Variants in THSD7A observed in about 807,000 individuals in gnomAD.
THSD7A encodes thrombospondin type 1 domain containing 7A.
THSD7A carries 96 observed loss-of-function variants against 231.3 expected under a neutral mutation model. That is an observed-to-expected ratio of 0.41 (90% CI 0.35 to 0.49). The LOEUF is 0.49. THSD7A is among the 20% of genes least tolerant of loss of function. The pLI is 0.05. For missense variants in THSD7A, 2,290 were observed against 2,070.2 expected (o/e 1.11, Z -2.06); for synonymous variants, 940 against 743.3 (o/e 1.26, Z -4.30).
At chr7:11,452,994 C>T (rs527832004) in intron 11 of THSD7A, among the ~76,000 whole-genome samples, 13 of 151,972 alleles carry the variant, frequency 8.6e-5, no homozygotes, top group Admixed American at 3.9e-4. Context: ...TCTCTTTTTC[C>T]TACCTAGTTC....
chr7:11,535,429 CAT>C (rs1788874819), intron 6 of THSD7A, among the ~76,000 whole-genome samples: 1 of 151,930 alleles, frequency 6.6e-6, no homozygotes, highest in African/African-American at 2.4e-5. Flanking sequence ...TGAAGGAAAA[CAT>C]ATTGCTTGAA....
intron 9 of THSD7A, among the ~76,000 whole-genome samples, chr7:11,467,412 C>T (rs1344703313): frequency 1.3e-5 from 2 of 152,078 alleles, no homozygotes; most frequent in Non-Finnish European, 2.9e-5. Context: ...TTAAAAGCTT[C>T]CTTGATGTCT....
At chr7:11,608,664 T>A (rs1205187528) in intron 2 of THSD7A, among the ~76,000 whole-genome samples, 4 of 152,182 alleles carry the variant, frequency 2.6e-5, no homozygotes, top group African/African-American at 9.6e-5. Context: ...TATCATAAAA[T>A]AATGCCATTC....
chr7:11,532,391 A>C (rs1788744545), intron 6 of THSD7A, among the ~76,000 whole-genome samples: 1 of 152,214 alleles, frequency 6.6e-6, no homozygotes, highest in Non-Finnish European at 1.5e-5. Context: ...TGCTGCTTTA[A>C]GAAATCTAAA....
chr7:11,665,817 A>G (rs1783107488), intron 1 of THSD7A, among the ~76,000 whole-genome samples: 2 of 152,084 alleles, frequency 1.3e-5, no homozygotes, highest in Admixed American at 1.3e-4. Flanking sequence ...ACTAATACAA[A>G]ATATGGAACA....
intron 4 of THSD7A, among the ~76,000 whole-genome samples, chr7:11,581,275 C>T (rs757721211): frequency 2.0e-5 from 3 of 151,922 alleles, no homozygotes; most frequent in East Asian, 1.9e-4. Flanking sequence ...ACTCATTATT[C>T]TTCATATTGT....
chr7:11,380,648 C>A (rs80336202), intron 24 of THSD7A, among the ~76,000 whole-genome samples: 8,808 of 152,210 alleles, frequency 0.058, 779 homozygotes, highest in African/African-American at 0.19. Context: ...CACACACACA[C>A]AAAGCAGTAT....
intron 1 of THSD7A, among the ~76,000 whole-genome samples, chr7:11,815,394 T>C (rs1784657991): frequency 6.6e-6 from 1 of 152,064 alleles, no homozygotes; most frequent in Non-Finnish European, 1.5e-5. Flanking sequence ...TCATGCCTCA[T>C]CTACTCCCCT....
intron 4 of THSD7A, among the ~76,000 whole-genome samples, chr7:11,583,951 A>T (rs1791281206): frequency 6.6e-6 from 1 of 152,130 alleles, no homozygotes; most frequent in African/African-American, 2.4e-5. Flanking sequence ...ACTGAGGCTG[A>T]CCTATTTAAT....
intron 16 of THSD7A, among the ~76,000 whole-genome samples, chr7:11,422,853 A>C (rs1302432623): frequency 6.6e-6 from 1 of 152,090 alleles, no homozygotes; most frequent in African/African-American, 2.4e-5. Flanking sequence ...GGGTTTCACC[A>C]TGTTGGCCAG....
At chr7:11,523,306 T>TGA (rs1788342185) in intron 6 of THSD7A, among the ~76,000 whole-genome samples, 1 of 152,016 alleles carries the variant, frequency 6.6e-6, no homozygotes, top group South Asian at 2.1e-4. Flanking sequence ...GATTACTAAA[T>TGA]GAGAGACACA....
rs1371960429 is a variant in THSD7A, at chr7:11,634,365, T to G, written c.1022+1765A>C. ...CTACTAACCTAATTACACTTTTAATTGAGTAGTCAACGTTAAATTAAATGT... is the reference window on the plus strand; with the variant it reads ...CTACTAACCTAATTACACTTTTAATGGAGTAGTCAACGTTAAATTAAATGT... On this transcript the variant is annotated intron_variant, in intron 2 of 27. Coordinates refer to ENST00000423059, the MANE Select transcript of THSD7A (RefSeq NM_015204.3). The surrounding 1 kb of genome is among the most constrained non-coding windows in gnomAD (Gnocchi z 4.1). 6.6e-6 allele frequency among the ~76,000 whole-genome samples: 1 copy of G among 152,148 alleles called. No homozygotes were observed. The highest frequency in any genetic ancestry group is 1.5e-5 in the Non-Finnish European group (1 of 68,022).
chr7:11,673,377 G>T (rs1480049885), intron 1 of THSD7A, among the ~76,000 whole-genome samples: 1 of 152,120 alleles, frequency 6.6e-6, no homozygotes, highest in Non-Finnish European at 1.5e-5. Flanking sequence ...TCCCTGTGCT[G>T]TGCAACTATA....
chr7:11,741,185 A>T (rs978757737), intron 1 of THSD7A, among the ~76,000 whole-genome samples: 4 of 151,916 alleles, frequency 2.6e-5, no homozygotes, highest in African/African-American at 4.8e-5. Flanking sequence ...GTGTTTAAAC[A>T]TGTCATAGCT....
intron 4 of THSD7A, among the ~76,000 whole-genome samples, chr7:11,571,355 T>C (rs1394821917): frequency 6.6e-6 from 1 of 152,214 alleles, no homozygotes; most frequent in Non-Finnish European, 1.5e-5. Context: ...TAAGCTGTAA[T>C]TGTGGGCATG....
intron 1 of THSD7A, among the ~76,000 whole-genome samples, chr7:11,726,723 A>G (rs1380142131): frequency 6.6e-6 from 1 of 152,054 alleles, no homozygotes; most frequent in Non-Finnish European, 1.5e-5. Flanking sequence ...TGCAAATACC[A>G]TGTGAATCCT....
chr7:11,603,365 A>C (rs1389292555), intron 2 of THSD7A, among the ~76,000 whole-genome samples: 2 of 152,006 alleles, frequency 1.3e-5, no homozygotes, highest in Admixed American at 1.3e-4. Context: ...AATCATTAAA[A>C]AGTCAGGAAC....
intron 6 of THSD7A, among the ~76,000 whole-genome samples, chr7:11,521,110 G>C (rs549353266): frequency 3.9e-5 from 6 of 152,084 alleles, no homozygotes; most frequent in South Asian, 2.1e-4. Context: ...AAGGAACATA[G>C]TGATCATAAA....
At position 11,514,747 on chromosome 7, in the gene THSD7A, G is replaced by A. The variant is rs183478240; in HGVS notation, c.1822+26672C>T. On this transcript the variant is annotated intron_variant, in intron 6 of 27. Coordinates refer to ENST00000423059, the MANE Select transcript of THSD7A (RefSeq NM_015204.3). ...ATTCAGTAATATTAAACAATACTAC[G>A]TGTGCTTACTTTATTAGTTGCTTAA... Among the ~76,000 whole-genome samples, 9 of 152,136 alleles carry A rather than the reference G, an allele frequency of 5.9e-5. 1 individual carries two copies. Among genetic ancestry groups the A allele is most frequent in the African/African-American group, 1.2e-4 (5 of 41,516 alleles).
Sources: gnomAD v4.1 joint callset for allele counts (sites outside exome capture counted in the v4.1 genomes callset) on GRCh38, gnomAD v4.1.1 for gene constraint, Gnocchi (gnomAD v3.1) non-coding constraint, MANE v1.5 for transcripts, NCBI Gene and HGNC (gene_info 2026-07-23, HGNC 2026-07-21) for gene names.